BAIAP2: variants seen among roughly 807,000 people sequenced by gnomAD.
BAIAP2 encodes BAR/IMD domain containing adaptor protein 2, also known as BAR/IMD domain-containing adapter protein 2.
In BAIAP2, 18 loss-of-function variants were observed where a neutral mutation model predicts 63.0. The ratio of observed to expected loss-of-function variants is 0.29; its 90% CI spans 0.20 to 0.42. The LOEUF (loss-of-function observed/expected upper bound fraction) is 0.42. Ranked by LOEUF, BAIAP2 falls within the 10% of genes least tolerant of loss-of-function variation. The pLI, the probability that BAIAP2 is intolerant of heterozygous loss-of-function variation, is 1.00. For missense variants in BAIAP2, 610 were observed against 734.3 expected (o/e 0.83, Z 1.96); for synonymous variants, 386 against 307.6 (o/e 1.25, Z -2.67).
intron 1 of BAIAP2, among the ~76,000 whole-genome samples, chr17:81,042,638 C>T (rs1362003500): frequency 2.0e-5 from 3 of 151,940 alleles, no homozygotes; most frequent in Admixed American, 6.6e-5. Context: ...CAGTGGGAGT[C>T]GCAGGACGTG....
At chr17:81,074,049 A>G (rs560820416) in intron 3 of BAIAP2, among the ~76,000 whole-genome samples, 47 of 152,376 alleles carry the variant, frequency 3.1e-4, no homozygotes, top group African/African-American at 1.0e-3. Flanking sequence ...AACCTGGATC[A>G]GGGAGGAGCT....
At chr17:81,074,334 G>A (rs934316766) in intron 3 of BAIAP2, among the ~76,000 whole-genome samples, 2 of 151,504 alleles carry the variant, frequency 1.3e-5, no homozygotes, top group Non-Finnish European at 2.9e-5. Context: ...GCACGGATAC[G>A]TGTGAGTGTG....
intron 3 of BAIAP2, among the ~76,000 whole-genome samples, chr17:81,067,357 C>T (rs2051676478): frequency 6.6e-6 from 1 of 152,354 alleles, no homozygotes; most frequent in African/African-American, 2.4e-5. Flanking sequence ...TCTGTGGGGA[C>T]CCTCCAGCAC....
intron 1 of BAIAP2, among the ~76,000 whole-genome samples, chr17:81,039,152 C>T (rs907696080): frequency 4.6e-5 from 7 of 152,238 alleles, no homozygotes; most frequent in Non-Finnish European, 7.3e-5. Context: ...CCCTCGCCAC[C>T]GCCAGCCTTT....
At chr17:81,105,883 A>C (rs2059125786) in intron 10 of BAIAP2, 195 bp from the exon 11 acceptor site, 4 of 555,038 alleles carry the variant, frequency 7.2e-6, no homozygotes, top group Admixed American at 3.1e-5. Context: ...AGCCCGGGCC[A>C]CCTTGCCCTT....
chr17:81,111,051 G>T (rs966155814), intron 13 of BAIAP2: 6 of 1,515,096 alleles, frequency 4.0e-6, no homozygotes, highest in Non-Finnish European at 4.6e-6. Context: ...GGGTGGGGAG[G>T]GCCCGGCTGC....
chr17:81,082,258 TCACGCTTGTGCGTGCC>T (rs1361055503), intron 3 of BAIAP2, among the ~76,000 whole-genome samples: 1 of 152,182 alleles, frequency 6.6e-6, no homozygotes, highest in African/African-American at 2.4e-5. Flanking sequence ...CGTGTACGGT[TCACGCTTGTGCGTGCC>T]CACTCACATA....
At position 81,098,214 on chromosome 17, in the gene BAIAP2, C is replaced by T. The variant is rs762316490; in HGVS notation, c.490-1714C>T. On this transcript the variant is annotated intron_variant, in intron 6 of 13. Transcript: ENST00000428708. ...TGGTCAGGTGAGTCATACAACAAGC[C>T]CTGCACCCATGGGCAGGCTGGGAGG... is the stretch of plus-strand genomic sequence containing the variant. The T allele has an allele frequency of 8.9e-6, 12 of 1,340,992 alleles. No individual in the cohort carries two copies. The South Asian group carries it at 1.9e-4, about 21-fold the overall frequency. 83.1% of individuals were successfully genotyped at this position (1,340,992 alleles called of 1,614,324 possible). A position where few individuals can be genotyped will look rare whatever the true frequency, so the allele number is the denominator to read the frequency against.
chr17:81,041,542 G>GT (rs1286320292), intron 1 of BAIAP2, among the ~76,000 whole-genome samples: 1 of 151,998 alleles, frequency 6.6e-6, no homozygotes, highest in Non-Finnish European at 1.5e-5. Flanking sequence ...GTGTTTTTTC[G>GT]TTTTTTGTTT....
intron 3 of BAIAP2, among the ~76,000 whole-genome samples, chr17:81,081,783 G>A (rs1009429897): frequency 6.6e-6 from 1 of 152,198 alleles, no homozygotes; most frequent in Non-Finnish European, 1.5e-5. Context: ...TCCCGACCGT[G>A]AGAGGCCACC....
intron 3 of BAIAP2, among the ~76,000 whole-genome samples, chr17:81,062,920 GCCC>G (rs1051266041): frequency 1.4e-5 from 1 of 69,760 alleles, no homozygotes; most frequent in Non-Finnish European, 3.0e-5. Flanking sequence ...CTTCCCCCCC[GCCC>G]CCCCGCCGCC....
At chr17:81,114,117 ACT>A (rs2060236208) in intron 13 of BAIAP2, among the ~76,000 whole-genome samples, 1 of 137,392 alleles carries the variant, frequency 7.3e-6, no homozygotes, top group African/African-American at 2.8e-5. Context: ...GGCATGCACC[ACT>A]CTCCCGCACC....
At chr17:81,055,697 C>T (rs1164869327) in intron 2 of BAIAP2, among the ~76,000 whole-genome samples, 1 of 152,022 alleles carries the variant, frequency 6.6e-6, no homozygotes, top group Non-Finnish European at 1.5e-5. Context: ...TCCCGAGTAG[C>T]TGGGACCACA....
At chr17:81,054,773 C>T (rs1341108487) in intron 2 of BAIAP2, among the ~76,000 whole-genome samples, 4 of 152,200 alleles carry the variant, frequency 2.6e-5, no homozygotes, top group African/African-American at 4.8e-5. Context: ...CCATCGCCCC[C>T]ACCCCACCCA....
intron 6 of BAIAP2, among the ~76,000 whole-genome samples, chr17:81,090,036 C>G (rs867406593): frequency 2.0e-5 from 3 of 152,166 alleles, no homozygotes; most frequent in African/African-American, 7.2e-5. Context: ...CCTGGCTGAG[C>G]AGCCTCCTTT....
At chr17:81,036,983 G>A (rs2046362116) in intron 1 of BAIAP2, 1 of 1,529,262 alleles carries the variant, frequency 6.5e-7, no homozygotes, top group African/African-American at 1.4e-5. Context: ...GAGTGGTTTT[G>A]CTCTGGGGGA....
chr17:81,039,182 A>G (rs2143417325), intron 1 of BAIAP2, among the ~76,000 whole-genome samples: 1 of 152,318 alleles, frequency 6.6e-6, no homozygotes, highest in East Asian at 1.9e-4. Context: ...CACGTCTCCC[A>G]GGAGCAGTGC....
chr17:81,074,712 CTG>C (rs778767842), intron 3 of BAIAP2, among the ~76,000 whole-genome samples: 1 of 138,418 alleles, frequency 7.2e-6, no homozygotes, highest in Non-Finnish European at 1.6e-5. Context: ...GGATGCGTGT[CTG>C]TGCGTCTGTG....
intron 1 of BAIAP2, among the ~76,000 whole-genome samples, chr17:81,048,932 G>A (rs2048242782): frequency 6.6e-6 from 1 of 152,202 alleles, no homozygotes; most frequent in African/African-American, 2.4e-5. Context: ...AGCCTTCCAT[G>A]GCGTGTGTGG....
Sources: allele counts gnomAD v4.1 joint callset (sites outside exome capture counted in the v4.1 genomes callset), GRCh38; gene constraint gnomAD v4.1.1; transcripts MANE v1.5; gene names NCBI Gene and HGNC (gene_info 2026-07-23, HGNC 2026-07-21).